Variants in ADGRV1 observed in about 807,000 individuals in gnomAD.
The protein encoded by ADGRV1 is adhesion G protein-coupled receptor V1, also known as G-protein coupled receptor 98.
Under a neutral mutation model 596.2 loss-of-function variants are expected in ADGRV1, and 359 were observed. That is an observed-to-expected ratio of 0.60 (90% CI 0.55 to 0.66). ADGRV1 has a LOEUF of 0.66. ADGRV1 is among the 30% of genes least tolerant of loss of function. The pLI, the probability that ADGRV1 is intolerant of heterozygous loss-of-function variation, is 0.00. For synonymous variants in ADGRV1, 2,681 were observed against 2,679.2 expected, an observed-to-expected ratio of 1.00 and a Z score of -0.02; for missense variants, 7,274 against 7,575.6, an observed-to-expected ratio of 0.96 and a Z score of 1.48.
intron 85 of ADGRV1, among the ~76,000 whole-genome samples, chr5:90,989,607 C>T (rs1471598268): frequency 6.6e-6 from 1 of 152,104 alleles, no homozygotes; most frequent in East Asian, 1.9e-4. Context: ...ATAATCTATC[C>T]ATTAAGTTCT....
At chr5:90,710,577 ACTT>A (rs1183640335) in intron 39 of ADGRV1, among the ~76,000 whole-genome samples, 1 of 149,832 alleles carries the variant, frequency 6.7e-6, no homozygotes, top group Non-Finnish European at 1.5e-5. Context: ...CTTTCCTTGC[ACTT>A]CTTTCATTTA....
chr5:90,963,497 T>G (rs1778195214), intron 83 of ADGRV1, among the ~76,000 whole-genome samples: 1 of 152,118 alleles, frequency 6.6e-6, no homozygotes, highest in South Asian at 2.1e-4. Context: ...GGGAACTCAT[T>G]TGTATCAGAT....
intron 85 of ADGRV1, among the ~76,000 whole-genome samples, chr5:91,020,118 T>TG: frequency 6.6e-6 from 1 of 152,032 alleles, no homozygotes; most frequent in Non-Finnish European, 1.5e-5. Context: ...TCCCCATGGA[T>TG]GGCAAGTGAT....
chr5:91,052,064 C>G (rs1439784441), intron 85 of ADGRV1, among the ~76,000 whole-genome samples: 2 of 152,066 alleles, frequency 1.3e-5, no homozygotes, highest in Admixed American at 1.3e-4. Flanking sequence ...AACTAGAGAA[C>G]AAACTTATTG....
intron 49 of ADGRV1, 58 bp from the exon 50 acceptor site, chr5:90,729,576 ATGTAATTT>A: frequency 8.4e-7 from 1 of 1,194,014 alleles, no homozygotes. Context: ...TAGTTTTATT[ATGTAATTT>A]TGTCATTTTT....
intron 70 of ADGRV1, among the ~76,000 whole-genome samples, chr5:90,795,621 T>C (rs533177005): frequency 2.0e-5 from 3 of 152,098 alleles, no homozygotes; most frequent in Non-Finnish European, 4.4e-5. Context: ...GAGCAGTGGA[T>C]CTCCCAGCAC....
intron 83 of ADGRV1, among the ~76,000 whole-genome samples, chr5:90,943,375 ACAGAT>A (rs758124101): frequency 2.0e-5 from 3 of 152,054 alleles, no homozygotes; most frequent in Non-Finnish European, 4.4e-5. Flanking sequence ...ATGACCTTGG[ACAGAT>A]CACACACCTT....
intron 87 of ADGRV1, among the ~76,000 whole-genome samples, chr5:91,117,191 T>C (rs928203335): frequency 6.6e-6 from 1 of 152,180 alleles, no homozygotes; most frequent in East Asian, 1.9e-4. Flanking sequence ...TATAGTAAAA[T>C]TTTTATTTGG....
intron 77 of ADGRV1, among the ~76,000 whole-genome samples, chr5:90,834,238 G>A (rs189438715): frequency 6.6e-6 from 1 of 152,218 alleles, no homozygotes; most frequent in East Asian, 1.9e-4. Flanking sequence ...TTAACCATGA[G>A]TTTTGTACAT....
At chr5:91,028,741 T>TTG (rs1562111440) in intron 85 of ADGRV1, among the ~76,000 whole-genome samples, 2 of 148,498 alleles carry the variant, frequency 1.3e-5, no homozygotes, top group African/African-American at 2.5e-5. Flanking sequence ...TGTTTTTTTT[T>TTG]TTTTTTTTTT....
At chr5:91,040,794 G>A (rs1009233244) in intron 85 of ADGRV1, among the ~76,000 whole-genome samples, 2 of 152,168 alleles carry the variant, frequency 1.3e-5, no homozygotes, top group Non-Finnish European at 2.9e-5. Context: ...TATGGAAGAT[G>A]AGGTTTGTTA....
chr5:90,989,673 GT>G (rs1375434711), intron 85 of ADGRV1, among the ~76,000 whole-genome samples: 1 of 152,090 alleles, frequency 6.6e-6, no homozygotes, highest in Non-Finnish European at 1.5e-5. Flanking sequence ...GTTGCCTTTT[GT>G]TACCTTCAAG....
rs554562213 is a variant in ADGRV1, at chr5:90,603,864, T to C, written c.23-10971T>C. Among the ~76,000 whole-genome samples the C allele has an allele frequency of 1.1e-3, 153 of 139,688 alleles. No individual in the cohort carries two copies. The Middle Eastern group carries it at 0.018, about 17-fold the overall frequency. 91.6% of individuals were successfully genotyped at this position (139,688 alleles called of 152,430 possible). A position where few individuals can be genotyped will look rare whatever the true frequency, so the allele number is the denominator to read the frequency against. On this transcript the variant is annotated intron_variant, in intron 1 of 89. Transcript: ENST00000405460. ...CACTGCATGGAGGCATTCCACAAGGTGGTGAGCGTGCATGTGTGTGTACGT... is the reference window on the plus strand; with the variant it reads ...CACTGCATGGAGGCATTCCACAAGGCGGTGAGCGTGCATGTGTGTGTACGT...
chr5:90,574,783 C>A (rs753158084), intron 1 of ADGRV1, among the ~76,000 whole-genome samples: 3 of 152,128 alleles, frequency 2.0e-5, no homozygotes, highest in Non-Finnish European at 4.4e-5. Context: ...GTGGTCTGTT[C>A]AGGGTTTCAA....
At chr5:90,861,532 A>G (rs1767573196) in intron 82 of ADGRV1, among the ~76,000 whole-genome samples, 1 of 151,492 alleles carries the variant, frequency 6.6e-6, no homozygotes, top group Non-Finnish European at 1.5e-5. Flanking sequence ...GATGGTCTCG[A>G]TCTCCTGACC....
At chr5:91,049,819 G>A (rs1402386678) in intron 85 of ADGRV1, among the ~76,000 whole-genome samples, 1 of 152,284 alleles carries the variant, frequency 6.6e-6, no homozygotes, top group African/African-American at 2.4e-5. Context: ...ACAGTGCTAC[G>A]GGTTCCACAG....
chr5:90,676,914 T>G (rs75935830), intron 25 of ADGRV1: 8,965 of 152,268 alleles, frequency 0.059, 359 homozygotes, highest in South Asian at 0.13. Flanking sequence ...GGAGTCAAAC[T>G]TATTTCATGA....
At chr5:90,594,380 G>T (rs11955985) in intron 1 of ADGRV1, among the ~76,000 whole-genome samples, 11,252 of 151,724 alleles carry the variant, frequency 0.074, 1,383 homozygotes, top group African/African-American at 0.26. Flanking sequence ...CATGTTTGCT[G>T]CTTCTTCTGC....
At chr5:91,121,999 T>G (rs998907850) in intron 87 of ADGRV1, among the ~76,000 whole-genome samples, 1 of 152,098 alleles carries the variant, frequency 6.6e-6, no homozygotes, top group African/African-American at 2.4e-5. Context: ...ACCATTAACT[T>G]GTTATTGAAC....
Sources: gnomAD v4.1 joint callset for allele counts (sites outside exome capture counted in the v4.1 genomes callset) on GRCh38, gnomAD v4.1.1 for gene constraint, MANE v1.5 for transcripts, NCBI Gene and HGNC (gene_info 2026-07-23, HGNC 2026-07-21) for gene names.